The following ARMC2 variants were observed in gnomAD, a reference collection of about 807,000 sequenced individuals.
The protein encoded by ARMC2 is armadillo repeat containing 2, also known as armadillo repeat-containing protein 2.
A neutral mutation model predicts 90.3 loss-of-function variants in ARMC2; 67 were observed. That is an observed-to-expected ratio of 0.74 (90% CI 0.61 to 0.91). The LOEUF is 0.91. Among genes scored for constraint, ARMC2 ranks in the 40% least tolerant of loss-of-function variants. ARMC2 has a pLI of 0.00. For missense variants in ARMC2, 920 were observed against 1,030.9 expected, an observed-to-expected ratio of 0.89 and a Z score of 1.47; for synonymous variants, 393 against 393.0, an observed-to-expected ratio of 1.00 and a Z score of 0.00.
At chr6:108,885,499 C>T (rs550745602) in intron 5 of ARMC2, among the ~76,000 whole-genome samples, 2 of 151,980 alleles carry the variant, frequency 1.3e-5, no homozygotes, top group African/African-American at 4.8e-5. Flanking sequence ...GACCAGCATG[C>T]CCAACATGGT....
intron 5 of ARMC2, among the ~76,000 whole-genome samples, chr6:108,890,052 T>C (rs1770805733): frequency 1.4e-5 from 2 of 147,482 alleles, no homozygotes; most frequent in East Asian, 2.0e-4. Context: ...TAGCCGGGCG[T>C]AGTGGCGGGC....
At chr6:108,987,600 T>G in the ARMC2 span, 2 of 1,602,612 alleles carry the variant, frequency 1.2e-6, no homozygotes, top group Non-Finnish European at 1.7e-6. Context: ...GCTTGCATCC[T>G]AGCTTCTATA....
intron 3 of ARMC2, among the ~76,000 whole-genome samples, chr6:108,861,361 T>G (rs1056141134): frequency 3.3e-5 from 5 of 152,240 alleles, no homozygotes; most frequent in Admixed American, 2.6e-4. Context: ...TTGCAGACAT[T>G]GTGATACTTC....
the ARMC2 span, among the ~76,000 whole-genome samples, chr6:109,028,585 G>C: frequency 3.5e-4 from 53 of 151,922 alleles, no homozygotes; most frequent in African/African-American, 1.2e-3. Flanking sequence ...GGCAATACTA[G>C]GGGGTAAGAC....
chr6:109,024,733 AT>A, the ARMC2 span, among the ~76,000 whole-genome samples: 1 of 152,174 alleles, frequency 6.6e-6, no homozygotes, highest in South Asian at 2.1e-4. Flanking sequence ...ATGGTAGAGT[AT>A]TGGTTGTCTG....
At chr6:109,001,978 GTT>G in the ARMC2 span, among the ~76,000 whole-genome samples, 1 of 152,144 alleles carries the variant, frequency 6.6e-6, no homozygotes. Context: ...AGTAACTCAG[GTT>G]ATGGGCACAC....
At chr6:109,049,018 T>C in the ARMC2 span, among the ~76,000 whole-genome samples, 1 of 152,196 alleles carries the variant, frequency 6.6e-6, no homozygotes, top group Non-Finnish European at 1.5e-5. Flanking sequence ...CGCTTCTTTG[T>C]ACAGAGCTAG....
the ARMC2 span, among the ~76,000 whole-genome samples, chr6:109,006,855 G>A: frequency 1.3e-5 from 2 of 152,162 alleles, no homozygotes; most frequent in Admixed American, 6.5e-5. Context: ...ACATTTCATA[G>A]CTTCCTATTT....
intron 10 of ARMC2, chr6:108,922,836 T>G (rs1774718166): frequency 6.6e-6 from 1 of 152,202 alleles, no homozygotes; most frequent in Non-Finnish European, 1.5e-5. Context: ...AGTTGTCAAG[T>G]GTAGCTCAGT....
chr6:108,981,931 TGC>T, the ARMC2 span, among the ~76,000 whole-genome samples: 1 of 152,194 alleles, frequency 6.6e-6, no homozygotes, highest in Non-Finnish European at 1.5e-5. Flanking sequence ...CCTCCCAAAG[TGC>T]TGGGATTACA....
intron 3 of ARMC2, among the ~76,000 whole-genome samples, chr6:108,864,110 A>G (rs1775560786): frequency 6.6e-6 from 1 of 152,230 alleles, no homozygotes; most frequent in Non-Finnish European, 1.5e-5. Flanking sequence ...GCTGAAGCAA[A>G]CAGTGACATT....
intron 1 of ARMC2, among the ~76,000 whole-genome samples, chr6:108,852,845 A>G (rs1219692628): frequency 6.6e-6 from 1 of 152,168 alleles, no homozygotes; most frequent in Non-Finnish European, 1.5e-5. Flanking sequence ...CAGACCAACA[A>G]ACCTGTCATG....
At chr6:108,853,965 A>G (rs910184102) in intron 1 of ARMC2, among the ~76,000 whole-genome samples, 7 of 152,086 alleles carry the variant, frequency 4.6e-5, no homozygotes, top group African/African-American at 1.2e-4. Flanking sequence ...GTCTTCTTTC[A>G]TGATTAGTCT....
intron 4 of ARMC2, among the ~76,000 whole-genome samples, chr6:108,870,487 AAAAG>A (rs148301315): frequency 0.015 from 2,290 of 151,638 alleles, 24 homozygotes; most frequent in African/African-American, 0.028. Context: ...ATAAAGGAGA[AAAAG>A]AAAGAAAGAG....
the ARMC2 span, among the ~76,000 whole-genome samples, chr6:109,043,082 A>G: frequency 6.6e-6 from 1 of 152,142 alleles, no homozygotes; most frequent in African/African-American, 2.4e-5. Flanking sequence ...CAGGCTAAGG[A>G]AGAAAAACCA....
intron 5 of ARMC2, among the ~76,000 whole-genome samples, chr6:108,885,706 G>T (rs931096576): frequency 1.3e-5 from 2 of 151,876 alleles, no homozygotes; most frequent in Non-Finnish European, 2.9e-5. Flanking sequence ...AAAAGAAAAA[G>T]TGATAATCTG....
intron 12 of ARMC2, among the ~76,000 whole-genome samples, chr6:108,939,056 C>G (rs747689404): frequency 6.6e-6 from 1 of 152,030 alleles, no homozygotes; most frequent in African/African-American, 2.4e-5. Flanking sequence ...TGGGCTCAAG[C>G]AATCCTACCA....
chr6:108,994,605 C>T, the ARMC2 span: 5 of 1,606,384 alleles, frequency 3.1e-6, no homozygotes, highest in Admixed American at 3.4e-5. Flanking sequence ...GAAAGAATCA[C>T]TTACCTGAAG....
chr6:108,994,322 T>A, the ARMC2 span: 1 of 577,036 alleles, frequency 1.7e-6, no homozygotes, highest in Non-Finnish European at 2.7e-6. Flanking sequence ...TAAAAATTAT[T>A]TGTAAATAGG....
Sources: gnomAD v4.1 joint callset for allele counts (sites outside exome capture counted in the v4.1 genomes callset) on GRCh38, gnomAD v4.1.1 for gene constraint, MANE v1.5 for transcripts, NCBI Gene and HGNC (gene_info 2026-07-23, HGNC 2026-07-21) for gene names.